The following PUS10 variants were observed in gnomAD, a reference collection of about 807,000 sequenced individuals.
PUS10 encodes tRNA pseudouridine synthase Pus10.
In PUS10, 59 loss-of-function variants were observed where a neutral mutation model predicts 75.0. The observed-to-expected ratio is 0.79, with a 90% CI of 0.64 to 0.98. The LOEUF is 0.98. PUS10 is among the 50% of genes least tolerant of loss of function. The probability of loss-of-function intolerance (pLI) is 0.00; values close to 1 mark genes in which losing one functional copy is unlikely to be tolerated. For synonymous variants in PUS10, 219 were observed against 211.6 expected, an observed-to-expected ratio of 1.03 and a Z score of -0.30; for missense variants, 650 against 614.4, an observed-to-expected ratio of 1.06 and a Z score of -0.61.
At chr2:60,957,786 C>T (rs575029013) in intron 11 of PUS10, among the ~76,000 whole-genome samples, 2 of 152,372 alleles carry the variant, frequency 1.3e-5, no homozygotes, top group Middle Eastern at 3.4e-3. Flanking sequence ...AGGACACCCT[C>T]AGCCCAGGGG....
At chr2:61,005,979 C>T (rs1679185945) in intron 4 of PUS10, among the ~76,000 whole-genome samples, 1 of 152,112 alleles carries the variant, frequency 6.6e-6, no homozygotes, top group East Asian at 1.9e-4. Flanking sequence ...CACTATGCTT[C>T]ATTTAACAGT....
At chr2:60,952,821 G>T (rs1478444877) in intron 15 of PUS10, among the ~76,000 whole-genome samples, 176 bp downstream of exon 15, 1 of 152,186 alleles carries the variant, frequency 6.6e-6, no homozygotes, top group African/African-American at 2.4e-5. Flanking sequence ...GCTCCAGGGG[G>T]TTAGATGAAC....
At chr2:60,953,177 G>A (rs1675451395) in intron 14 of PUS10, 63 bp from the exon 15 acceptor site, 2 of 843,382 alleles carry the variant, frequency 2.4e-6, no homozygotes, top group Non-Finnish European at 3.9e-6. Flanking sequence ...ACCTTGCCCT[G>A]AATTAGCCTT....
intron 4 of PUS10, among the ~76,000 whole-genome samples, chr2:60,972,552 T>TA (rs770916024): frequency 6.6e-6 from 1 of 152,202 alleles, no homozygotes; most frequent in Non-Finnish European, 1.5e-5. Flanking sequence ...TGTTTCCTGT[T>TA]AGACTCCCAC....
intron 1 of PUS10, among the ~76,000 whole-genome samples, chr2:61,012,867 A>AAAT (rs1679710007): frequency 1.8e-4 from 5 of 27,740 alleles, no homozygotes; most frequent in African/African-American, 5.4e-4. Flanking sequence ...AAAAAAAAAA[A>AAAT]ATATATATAT....
At chr2:61,003,595 AGTACAGTGGTGTGATCATG>A in intron 4 of PUS10, among the ~76,000 whole-genome samples, 1 of 150,780 alleles carries the variant, frequency 6.6e-6, no homozygotes, top group South Asian at 2.1e-4. Flanking sequence ...CCCAGGCTAG[AGTACAGTGGTGTGATCATG>A]GCTCACTGCA....
chr2:60,943,602 T>A (rs1558850990), intron 17 of PUS10, among the ~76,000 whole-genome samples: 4 of 152,120 alleles, frequency 2.6e-5, no homozygotes, highest in Non-Finnish European at 5.9e-5. Flanking sequence ...TCAAAAAAAA[T>A]TTATTAGAAA....
intron 4 of PUS10, among the ~76,000 whole-genome samples, chr2:60,983,806 CAA>C (rs1277700773): frequency 5.3e-5 from 8 of 151,004 alleles, no homozygotes; most frequent in Admixed American, 1.3e-4. Flanking sequence ...AAAGAAATGA[CAA>C]AACTATCATT....
chr2:61,002,378 C>T (rs1013735329), intron 4 of PUS10, among the ~76,000 whole-genome samples: 3 of 152,202 alleles, frequency 2.0e-5, no homozygotes, highest in Non-Finnish European at 4.4e-5. Flanking sequence ...TATTTTGTAT[C>T]TGTAAATAAA....
At chr2:60,971,595 G>C (rs759861653) in intron 4 of PUS10, 38 bp from the exon 5 acceptor site, 1 of 1,596,240 alleles carries the variant, frequency 6.3e-7, no homozygotes, top group Non-Finnish European at 8.6e-7. Context: ...AGAGAAAAGG[G>C]GGAAACATGT....
At chr2:60,978,096 C>T (rs989862315) in intron 4 of PUS10, among the ~76,000 whole-genome samples, 9 of 151,992 alleles carry the variant, frequency 5.9e-5, no homozygotes, top group Non-Finnish European at 1.2e-4. Flanking sequence ...AGAAGTGACA[C>T]CTAATCTGAG....
intron 4 of PUS10, 111 bp downstream of exon 4, chr2:61,006,446 A>T: frequency 1.3e-6 from 1 of 782,992 alleles, no homozygotes; most frequent in African/African-American, 1.8e-5. Context: ...TTCAATAAGT[A>T]GACAAAATGT....
chr2:60,984,127 C>G (rs998502244), intron 4 of PUS10, among the ~76,000 whole-genome samples: 1 of 151,868 alleles, frequency 6.6e-6, no homozygotes, highest in Non-Finnish European at 1.5e-5. Flanking sequence ...AAATTTGTTC[C>G]TAGATGAAAA....
intron 4 of PUS10, among the ~76,000 whole-genome samples, chr2:60,978,441 A>AG (rs1209015136): frequency 6.6e-6 from 1 of 151,328 alleles, no homozygotes; most frequent in African/African-American, 2.4e-5. Context: ...AAAAAAAAAA[A>AG]AAGAATTCAC....
At chr2:60,962,299 C>T (rs867512686) in intron 9 of PUS10, among the ~76,000 whole-genome samples, 5 of 152,198 alleles carry the variant, frequency 3.3e-5, no homozygotes, top group Non-Finnish European at 5.9e-5. Flanking sequence ...CGGCCGGGCA[C>T]GGTGGCTCAC....
At chr2:60,993,741 C>G (rs1370296215) in intron 4 of PUS10, among the ~76,000 whole-genome samples, 2 of 151,698 alleles carry the variant, frequency 1.3e-5, no homozygotes, top group African/African-American at 2.4e-5. Flanking sequence ...ATATTTGGAG[C>G]AGTAAAACCT....
chr2:61,008,803 T>A lies in PUS10; in HGVS notation c.339A>T (p.Leu113=). 1 of 1,599,146 alleles carries A rather than the reference T, an allele frequency of 6.3e-7. No individual in the cohort carries two copies. Among genetic ancestry groups the A allele is most frequent in the Non-Finnish European group, 8.5e-7 (1 of 1,172,812 alleles). ...NSNLNVCNVC[L]GILQEFCEKD... is the part of the protein sequence containing the mutation. The stretch of plus-strand genomic sequence containing the variant: ...TCTCACAGAATTCTTGAAGAATTCC[T>A]AGGCATACATTACATACATTTAAAT... The change falls in exon 3 of 18, where the codon CTA becomes CTT. Residue 113 remains leucine, a synonymous_variant. Transcript: ENST00000316752.
intron 3 of PUS10, among the ~76,000 whole-genome samples, chr2:61,008,251 C>T (rs957462319): frequency 6.6e-6 from 1 of 151,834 alleles, no homozygotes; most frequent in Non-Finnish European, 1.5e-5. Context: ...GGGCTGGGCA[C>T]AGTGGCTCAT....
In PUS10 at chr2:60,940,575, C is replaced by T. The variant is rs1674578509; in HGVS notation, c.*1820G>A. ...GAAGTATTTAAAGCTAATGCTTACT[C>T]TTTGCGTGAAATTTTATATAATCTC... On this transcript the variant is annotated 3_prime_UTR_variant, in exon 18 of 18. Transcript: ENST00000316752. 1 of 152,318 alleles carries T rather than the reference C, an allele frequency of 6.6e-6. No homozygotes were observed. The highest frequency in any genetic ancestry group is 1.5e-5 in the Non-Finnish European group (1 of 68,016). 9.4% of individuals were successfully genotyped at this position (152,318 alleles called of 1,614,324 possible).
Sources: allele counts gnomAD v4.1 joint callset (sites outside exome capture counted in the v4.1 genomes callset), GRCh38; gene constraint gnomAD v4.1.1; transcripts MANE v1.5; gene names NCBI Gene and HGNC (gene_info 2026-07-23, HGNC 2026-07-21).